The following AIG1 variants were observed in gnomAD, a reference collection of about 807,000 sequenced individuals.
The protein encoded by AIG1 is androgen-induced gene 1 protein.
A neutral mutation model predicts 31.4 loss-of-function variants in AIG1; 23 were observed. The ratio of observed to expected loss-of-function variants is 0.73; its 90% CI spans 0.53 to 1.04. AIG1 has a LOEUF of 1.04. Among genes scored for constraint, AIG1 ranks in the 50% least tolerant of loss-of-function variants. The pLI is 0.00. For missense variants in AIG1, 274 were observed against 295.0 expected (o/e 0.93, Z 0.52); for synonymous variants, 100 against 110.5 (o/e 0.90, Z 0.60).
intron 3 of AIG1, among the ~76,000 whole-genome samples, chr6:143,274,213 T>C (rs1313801982): frequency 1.3e-5 from 2 of 152,104 alleles, no homozygotes; most frequent in East Asian, 1.9e-4. Flanking sequence ...CCCTGGCCAT[T>C]CTTTTATCCT....
rs1795409911 is a variant in AIG1, at chr6:143,256,899, A to T, written c.400-27211A>T. On this transcript the variant is annotated intron_variant, in intron 3 of 5. Transcript: ENST00000357847. The surrounding 1 kb of genome is among the most constrained non-coding windows in gnomAD (Gnocchi z 4.6). ...ATGTCAATAGGGGATGCAAAAATTA[A>T]GACAACATACATGTCCTTTTCTTCA... Among the ~76,000 whole-genome samples the T allele has an allele frequency of 1.3e-5, 2 of 152,242 alleles. No individual in the cohort carries two copies. Among genetic ancestry groups the T allele is most frequent in the South Asian group, 4.1e-4 (2 of 4,826 alleles).
rs1330928953 is a variant in AIG1 at position 143,160,885 on chromosome 6, A to T, written c.298-4197A>T. Among the ~76,000 whole-genome samples the T allele has an allele frequency of 2.0e-5, 3 of 152,330 alleles. No individual in the cohort carries two copies. In the East Asian group the frequency reaches 5.8e-4, roughly 29 times the overall value. On this transcript the variant is annotated intron_variant, in intron 2 of 5. Coordinates refer to ENST00000357847, the MANE Select transcript of AIG1 (RefSeq NM_016108.4). ...GGTAACTAACACTTTCTTGAAAGTCACTTCACTTTTAATAACCCATATAAT... is the reference window on the plus strand; with the variant it reads ...GGTAACTAACACTTTCTTGAAAGTCTCTTCACTTTTAATAACCCATATAAT...
rs148881282 is a variant in AIG1 at position 143,185,034 on chromosome 6, A to G, written c.399+19851A>G. ...GACATGGTGAAACCCGGTCTCTACT[A>G]AAAATACAAAAATTCGCTGGGTGTG... On this transcript the variant is annotated intron_variant, in intron 3 of 5. Coordinates refer to ENST00000357847, the MANE Select transcript of AIG1 (RefSeq NM_016108.4). 4.0e-3 allele frequency among the ~76,000 whole-genome samples: 608 copies of G among 152,124 alleles called. 5 individuals are homozygous for G. The highest frequency in any genetic ancestry group is 0.014 in the African/African-American group (566 of 41,490).
At chr6:143,278,021 A>T (rs1318975138) in intron 3 of AIG1, among the ~76,000 whole-genome samples, 1 of 152,224 alleles carries the variant, frequency 6.6e-6, no homozygotes, top group African/African-American at 2.4e-5. Context: ...CACAGCGAAG[A>T]TTATTCCAAA....
chr6:143,311,473 G>A (rs1775268373), intron 4 of AIG1, among the ~76,000 whole-genome samples: 2 of 151,638 alleles, frequency 1.3e-5, no homozygotes, highest in African/African-American at 4.8e-5. Context: ...AAAACCAAGT[G>A]GAATGTATTC....
At chr6:143,131,127 A>G (rs1392873614) in intron 1 of AIG1, among the ~76,000 whole-genome samples, 1 of 152,154 alleles carries the variant, frequency 6.6e-6, no homozygotes, top group African/African-American at 2.4e-5. Context: ...CTGCCTTTGC[A>G]TTGGAGAGCT....
intron 3 of AIG1, among the ~76,000 whole-genome samples, chr6:143,191,238 T>C (rs904635104): frequency 6.6e-6 from 1 of 152,288 alleles, no homozygotes; most frequent in Admixed American, 6.5e-5. Context: ...TCAGTTTCTA[T>C]TGCAATAAAA....
At chr6:143,171,467 TAA>T in intron 3 of AIG1, among the ~76,000 whole-genome samples, 1 of 117,718 alleles carries the variant, frequency 8.5e-6, no homozygotes, top group Non-Finnish European at 1.6e-5. Flanking sequence ...TATATATATT[TAA>T]TATATATAAT....
rs139434589 is a variant in AIG1, at chr6:143,082,938, C to G, written c.141+21872C>G. Among the ~76,000 whole-genome samples the G allele has an allele frequency of 5.4e-4, 83 of 152,316 alleles. 1 individual carries two copies. In the East Asian group the frequency reaches 0.015, roughly 28 times the overall value. On this transcript the variant is annotated intron_variant, in intron 1 of 5. Transcript: ENST00000357847. The stretch of plus-strand genomic sequence containing the variant: ...GTCTATCTTACTAAATGGGTATTGG[C>G]TTTCTGAGTTTCCTTAATTAGTGTG...
At position 143,215,725 on chromosome 6, in the gene AIG1, A is replaced by G. The variant is rs903698080; in HGVS notation, c.399+50542A>G. Among the ~76,000 whole-genome samples the G allele has an allele frequency of 3.9e-5, 6 of 152,168 alleles. No individual in the cohort carries two copies. In the East Asian group the frequency reaches 9.6e-4, roughly 24 times the overall value. Reference sequence around the variant, plus strand: ...TAGGATATCAAAGCAAAAAGATGCAATGGGTTGGTTCTCTGATGGCACTAT... The same window carrying G: ...TAGGATATCAAAGCAAAAAGATGCAGTGGGTTGGTTCTCTGATGGCACTAT... On this transcript the variant is annotated intron_variant, in intron 3 of 5. Transcript: ENST00000357847.
chr6:143,257,335 AAAACAAAAAC>A (rs1441575360), intron 3 of AIG1, among the ~76,000 whole-genome samples: 1 of 152,182 alleles, frequency 6.6e-6, no homozygotes, highest in East Asian at 1.9e-4. Flanking sequence ...CTTTGTAAAA[AAAACAAAAAC>A]AAAACAAAAA....
intron 3 of AIG1, among the ~76,000 whole-genome samples, chr6:143,273,140 T>C (rs1022773791): frequency 6.6e-6 from 1 of 152,092 alleles, no homozygotes; most frequent in African/African-American, 2.4e-5. Flanking sequence ...AAAAAAAATA[T>C]TGTGGGAATA....
chr6:143,330,222 A>G lies in AIG1; in HGVS notation c.516-3060A>G, dbSNP rs1776960866. ...AATTCCTTTGCTCATTGAATAGACAATAAACAGACAAATAAAAATAAGTAG... is the reference window on the plus strand; with the variant it reads ...AATTCCTTTGCTCATTGAATAGACAGTAAACAGACAAATAAAAATAAGTAG... On this transcript the variant is annotated intron_variant, in intron 4 of 5. Coordinates refer to ENST00000357847, the MANE Select transcript of AIG1 (RefSeq NM_016108.4). This position sits in a 1 kb window ranked among gnomAD's most constrained non-coding sequence, Gnocchi z 4.4. Among the ~76,000 whole-genome samples the G allele has an allele frequency of 6.6e-6, 1 of 152,222 alleles. No homozygotes were observed. Among genetic ancestry groups the G allele is most frequent in the Non-Finnish European group, 1.5e-5 (1 of 68,042 alleles).
At chr6:143,233,454 T>A (rs550972430) in intron 3 of AIG1, among the ~76,000 whole-genome samples, 6 of 151,494 alleles carry the variant, frequency 4.0e-5, no homozygotes, top group Non-Finnish European at 8.8e-5. Flanking sequence ...AGGCAAACCA[T>A]AGACAAGTTA....
intron 3 of AIG1, among the ~76,000 whole-genome samples, chr6:143,187,128 T>G (rs1037566015): frequency 6.6e-6 from 1 of 152,236 alleles, no homozygotes; most frequent in African/African-American, 2.4e-5. Flanking sequence ...TTATTAGCAC[T>G]GAATTTGTAC....
chr6:143,091,807 C>T (rs1779330579), intron 1 of AIG1, among the ~76,000 whole-genome samples: 1 of 152,056 alleles, frequency 6.6e-6, no homozygotes, highest in African/African-American at 2.4e-5. Context: ...CTAATTCATT[C>T]CAGGAAGGAA....
intron 3 of AIG1, among the ~76,000 whole-genome samples, chr6:143,185,078 C>G (rs994065388): frequency 2.6e-5 from 4 of 152,000 alleles, no homozygotes; most frequent in African/African-American, 9.7e-5. Context: ...CGCCTGTAGT[C>G]CCACCTACTT....
intron 3 of AIG1, among the ~76,000 whole-genome samples, chr6:143,230,676 C>G (rs1056036708): frequency 2.0e-5 from 3 of 151,412 alleles, no homozygotes; most frequent in Non-Finnish European, 2.9e-5. Context: ...ATGTATCAAA[C>G]CATGGATATT....
intron 2 of AIG1, among the ~76,000 whole-genome samples, chr6:143,139,321 G>A (rs1784056338): frequency 7.4e-6 from 1 of 135,736 alleles, no homozygotes; most frequent in Non-Finnish European, 1.6e-5. Flanking sequence ...TAAACCAGAA[G>A]TCCCAGCATC....
Sources: gnomAD v4.1 joint callset for allele counts (sites outside exome capture counted in the v4.1 genomes callset) on GRCh38, gnomAD v4.1.1 for gene constraint, Gnocchi (gnomAD v3.1) non-coding constraint, MANE v1.5 for transcripts, NCBI Gene and HGNC (gene_info 2026-07-23, HGNC 2026-07-21) for gene names.